B3GALT1: variants seen among roughly 807,000 people sequenced by gnomAD.
B3GALT1 encodes beta-1,3-galactosyltransferase 1.
In B3GALT1, 10 loss-of-function variants were observed where a neutral mutation model predicts 23.2. The observed-to-expected ratio is 0.43, with a 90% CI of 0.27 to 0.73. B3GALT1 has a LOEUF of 0.73. B3GALT1 is among the 30% of genes least tolerant of loss of function. B3GALT1 has a pLI of 0.21. For missense variants in B3GALT1, 299 were observed against 405.4 expected, an observed-to-expected ratio of 0.74 and a Z score of 2.25; for synonymous variants, 156 against 141.5, an observed-to-expected ratio of 1.10 and a Z score of -0.73.
In B3GALT1 at chr2:167,814,100, A is replaced by G. The variant is rs1688943751; in HGVS notation, c.-351-4572A>G. The stretch of plus-strand genomic sequence containing the variant: ...TTTACAAGTAAAGGCATAGCAATAC[A>G]TTTAAACAAAATCATTTCAGTAATC... On this transcript the variant is annotated intron_variant, in intron 3 of 4. Transcript: ENST00000392690. Among the ~76,000 whole-genome samples, 6 of 152,234 alleles carry G rather than the reference A, an allele frequency of 3.9e-5. No individual in the cohort carries two copies. In the South Asian group the frequency reaches 1.2e-3, roughly 31 times the overall value.
chr2:167,498,352 CTTA>C (rs1699805896), intron 2 of B3GALT1, among the ~76,000 whole-genome samples: 1 of 151,976 alleles, frequency 6.6e-6, no homozygotes, highest in South Asian at 2.1e-4. Flanking sequence ...TCAACAACTC[CTTA>C]TTGGATTTTT....
At chr2:167,502,466 T>G (rs958469683) in intron 2 of B3GALT1, among the ~76,000 whole-genome samples, 1 of 152,152 alleles carries the variant, frequency 6.6e-6, no homozygotes, top group African/African-American at 2.4e-5. Context: ...ACCTGAAACT[T>G]ATAAAGAAGT....
intron 1 of B3GALT1, among the ~76,000 whole-genome samples, chr2:167,333,102 G>A (rs886482534): frequency 1.3e-5 from 2 of 152,148 alleles, no homozygotes; most frequent in African/African-American, 4.8e-5. Flanking sequence ...ACTCTTCCAT[G>A]AAATTCTGTT....
chr2:167,571,098 A>G (rs905660478), intron 2 of B3GALT1, among the ~76,000 whole-genome samples: 8 of 151,982 alleles, frequency 5.3e-5, no homozygotes, highest in African/African-American at 1.4e-4. Context: ...TCTTCCAGGT[A>G]TCACATTCTA....
chr2:167,333,673 TG>T (rs1697011611), intron 1 of B3GALT1, among the ~76,000 whole-genome samples: 1 of 147,322 alleles, frequency 6.8e-6, no homozygotes, highest in African/African-American at 2.6e-5. Flanking sequence ...CATCTCAAGA[TG>T]CTGCTGGAAC....
chr2:167,485,393 T>G (rs977666562), intron 1 of B3GALT1, among the ~76,000 whole-genome samples: 2 of 152,134 alleles, frequency 1.3e-5, no homozygotes, highest in African/African-American at 4.8e-5. Context: ...GGATAGTATC[T>G]TAATTAGATT....
chr2:167,581,451 A>G (rs1290672852), intron 2 of B3GALT1, among the ~76,000 whole-genome samples: 1 of 152,208 alleles, frequency 6.6e-6, no homozygotes, highest in Non-Finnish European at 1.5e-5. Flanking sequence ...CTTCCTCTGA[A>G]CTTTTTAATC....
intron 3 of B3GALT1, among the ~76,000 whole-genome samples, chr2:167,707,881 A>AT (rs1208279739): frequency 1.3e-5 from 2 of 152,234 alleles, no homozygotes; most frequent in African/African-American, 2.4e-5. Context: ...TAGCAGTTAC[A>AT]TTGGTAATGG....
chr2:167,618,578 C>T (rs1685202239), intron 2 of B3GALT1, among the ~76,000 whole-genome samples: 1 of 151,938 alleles, frequency 6.6e-6, no homozygotes, highest in South Asian at 2.1e-4. Context: ...AAATCTTACT[C>T]AAATTTCATT....
chr2:167,744,939 C>T (rs950495122), intron 3 of B3GALT1, among the ~76,000 whole-genome samples: 2 of 152,124 alleles, frequency 1.3e-5, no homozygotes, highest in Non-Finnish European at 1.5e-5. Context: ...TATATTCAAT[C>T]AAATAATCTC....
At chr2:167,564,066 C>T (rs186302647) in intron 2 of B3GALT1, among the ~76,000 whole-genome samples, 5,504 of 149,978 alleles carry the variant, frequency 0.037, 160 homozygotes, top group African/African-American at 0.087. Flanking sequence ...ACTTCCCAGA[C>T]GGGGCGGCTG....
chr2:167,654,634 C>T (rs1250326772), intron 3 of B3GALT1, among the ~76,000 whole-genome samples: 1 of 151,844 alleles, frequency 6.6e-6, no homozygotes, highest in Non-Finnish European at 1.5e-5. Flanking sequence ...GCTGGGATAG[C>T]AAGTGTGCAC....
intron 3 of B3GALT1, among the ~76,000 whole-genome samples, chr2:167,776,671 T>C (rs866719419): frequency 6.6e-6 from 1 of 152,044 alleles, no homozygotes. Flanking sequence ...GAATTTACTT[T>C]CATGGGCCCC....
intron 3 of B3GALT1, among the ~76,000 whole-genome samples, chr2:167,746,469 A>G (rs566612091): frequency 6.6e-6 from 1 of 152,212 alleles, no homozygotes; most frequent in Non-Finnish European, 1.5e-5. Flanking sequence ...ACCAAAGATC[A>G]GCATCATGTT....
chr2:167,642,252 A>G (rs890133488), intron 2 of B3GALT1, among the ~76,000 whole-genome samples: 2 of 152,094 alleles, frequency 1.3e-5, no homozygotes, highest in Non-Finnish European at 2.9e-5. Flanking sequence ...AATATTTTTC[A>G]CCATCGGGGG....
intron 1 of B3GALT1, among the ~76,000 whole-genome samples, chr2:167,462,371 T>C (rs903089433): frequency 9.2e-5 from 14 of 152,190 alleles, no homozygotes; most frequent in Admixed American, 4.6e-4. Flanking sequence ...TGATTTAGGC[T>C]ACTCCTCATG....
At chr2:167,717,359 A>AC (rs1413055781) in intron 3 of B3GALT1, among the ~76,000 whole-genome samples, 11 of 151,932 alleles carry the variant, frequency 7.2e-5, no homozygotes, top group African/African-American at 1.9e-4. Flanking sequence ...TTACATATGT[A>AC]TACATGTGCC....
chr2:167,298,391 A>G (rs924878730), intron 1 of B3GALT1, among the ~76,000 whole-genome samples: 2 of 152,124 alleles, frequency 1.3e-5, no homozygotes, highest in Admixed American at 6.5e-5. Flanking sequence ...GACTGCATCT[A>G]CTAGTTTGTG....
At chr2:167,833,875 G>T (rs977172427) in intron 4 of B3GALT1, among the ~76,000 whole-genome samples, 1 of 152,006 alleles carries the variant, frequency 6.6e-6, no homozygotes, top group African/African-American at 2.4e-5. Flanking sequence ...TGTATCTAAG[G>T]TACTGTTTAC....
Sources: gnomAD v4.1 joint callset for allele counts (sites outside exome capture counted in the v4.1 genomes callset) on GRCh38, gnomAD v4.1.1 for gene constraint, MANE v1.5 for transcripts, NCBI Gene and HGNC (gene_info 2026-07-23, HGNC 2026-07-21) for gene names.